Variants in SRFBP1 observed in about 807,000 individuals in gnomAD.
SRFBP1 encodes serum response factor-binding protein 1.
In SRFBP1, 47 loss-of-function variants were observed where a neutral mutation model predicts 45.5. The observed-to-expected ratio is 1.03, with a 90% CI of 0.82 to 1.32. SRFBP1 has a LOEUF of 1.32. Ranked by LOEUF, SRFBP1 falls within the 40% of genes most tolerant of loss-of-function variation. The probability of loss-of-function intolerance (pLI) is 0.00; values close to 1 mark genes in which losing one functional copy is unlikely to be tolerated. For synonymous variants in SRFBP1, 203 were observed against 166.3 expected, an observed-to-expected ratio of 1.22 and a Z score of -1.70; for missense variants, 621 against 484.6, an observed-to-expected ratio of 1.28 and a Z score of -2.64.
chr5:122,020,748 G>A lies in SRFBP1; in HGVS notation c.1013G>A (p.Arg338Lys). 2 of 1,604,410 alleles carry A rather than the reference G, an allele frequency of 1.2e-6. No homozygotes were observed. The highest frequency in any genetic ancestry group is 1.3e-5 in the African/African-American group (1 of 74,300). ...NDKIKPSTET[R>K]KLESVFFHSL... ...AAAATCAAGCCAAGTACAGAAACCA[G>A]AAAGTTAGAATCAGTGTTTTTCCAC... The change falls in exon 6 of 8, where the codon AGA becomes AAA. Residue 338 changes from arginine (R) to lysine (K), a missense_variant. Coordinates refer to ENST00000339397, the MANE Select transcript of SRFBP1 (RefSeq NM_152546.3).
chr5:121,994,220 A>C (rs1408615464), intron 3 of SRFBP1, among the ~76,000 whole-genome samples: 2 of 151,692 alleles, frequency 1.3e-5, no homozygotes, highest in Admixed American at 1.3e-4. Flanking sequence ...CTTTGTCTTC[A>C]TTTTGTTTTC....
intron 3 of SRFBP1, among the ~76,000 whole-genome samples, chr5:121,990,942 C>T (rs1377278145): frequency 6.6e-6 from 1 of 152,140 alleles, no homozygotes; most frequent in Non-Finnish European, 1.5e-5. Context: ...GCCCAAGCCT[C>T]TGCATACCAT....
chr5:121,966,946 A>ATTTTTT (rs34687337), intron 1 of SRFBP1, among the ~76,000 whole-genome samples: 1 of 114,670 alleles, frequency 8.7e-6, no homozygotes. Flanking sequence ...CGCCCAGCTA[A>ATTTTTT]TTTTTTTTTT....
At position 122,013,194 on chromosome 5, in the gene SRFBP1, C is replaced by G. The variant is rs535078277; in HGVS notation, c.271-6066C>G. Among the ~76,000 whole-genome samples the G allele has an allele frequency of 3.2e-4, 49 of 152,188 alleles. 1 individual carries two copies. The highest frequency in any genetic ancestry group is 1.9e-3 in the South Asian group (9 of 4,826). Reference sequence around the variant, plus strand: ...TCACTGTGTCAAGCACTCACTATGTCTGTATTGTAATTTTTGAATATATTT... The same window carrying G: ...TCACTGTGTCAAGCACTCACTATGTGTGTATTGTAATTTTTGAATATATTT... On this transcript the variant is annotated intron_variant, in intron 4 of 7. Transcript: ENST00000339397.
intron 3 of SRFBP1, 79 bp downstream of exon 3, chr5:121,975,466 G>T (rs1304297203): frequency 8.7e-6 from 13 of 1,495,894 alleles, no homozygotes; most frequent in Non-Finnish European, 1.2e-5. Flanking sequence ...GTGTGGTATT[G>T]CTTATTTGAA....
chr5:122,051,719 A>G (rs1409514732), intron 2 of SRFBP1, among the ~76,000 whole-genome samples: 1 of 151,914 alleles, frequency 6.6e-6, no homozygotes, highest in Non-Finnish European at 1.5e-5. Flanking sequence ...TTGCCACTCC[A>G]TGCCTTTTAA....
intron 3 of SRFBP1, among the ~76,000 whole-genome samples, chr5:121,979,492 A>AT (rs1213255354): frequency 6.6e-6 from 1 of 152,182 alleles, no homozygotes; most frequent in Non-Finnish European, 1.5e-5. Context: ...TCAACTTAAC[A>AT]TTTTGTTCAT....
downstream of SRFBP1, among the ~76,000 whole-genome samples, chr5:122,076,418 A>G (rs1754633000): frequency 2.6e-5 from 4 of 152,246 alleles, no homozygotes; most frequent in Admixed American, 2.0e-4. Context: ...TGGCTGAAGT[A>G]ATACCAAAAC....
intron 3 of SRFBP1, among the ~76,000 whole-genome samples, chr5:121,988,800 G>A (rs568040682): frequency 6.6e-6 from 1 of 152,282 alleles, no homozygotes; most frequent in South Asian, 2.1e-4. Flanking sequence ...CCTGATGACA[G>A]GCCTTTCTCA....
At chr5:121,963,081 T>TG (rs1561572326) in intron 1 of SRFBP1, among the ~76,000 whole-genome samples, 1 of 152,112 alleles carries the variant, frequency 6.6e-6, no homozygotes, top group Non-Finnish European at 1.5e-5. Flanking sequence ...GCACAGGAAT[T>TG]GCAGTCAGTG....
rs1248545111 is a variant in SRFBP1 at position 121,995,210 on chromosome 5, C to T, written c.270+540C>T. Among the ~76,000 whole-genome samples, 3 of 151,888 alleles carry T rather than the reference C, an allele frequency of 2.0e-5. No homozygotes were observed. In the East Asian group the frequency reaches 5.8e-4, roughly 29 times the overall value. On this transcript the variant is annotated intron_variant, in intron 4 of 7. Transcript: ENST00000339397. Reference sequence around the variant, plus strand: ...CTCCACCCCAAATCAACAGAATATACATTTTTTTCAGCACCACACCACACC... The same window carrying T: ...CTCCACCCCAAATCAACAGAATATATATTTTTTTCAGCACCACACCACACC...
At chr5:122,030,067 A>G (rs750580131), downstream of SRFBP1, among the ~76,000 whole-genome samples, 4 of 152,356 alleles carry the variant, frequency 2.6e-5, no homozygotes, top group Middle Eastern at 0.01. Context: ...CCTACTAGCC[A>G]AAGAGTTCAA....
intron 1 of SRFBP1, among the ~76,000 whole-genome samples, chr5:121,973,176 T>C (rs1312573428): frequency 6.6e-6 from 1 of 151,832 alleles, no homozygotes; most frequent in Non-Finnish European, 1.5e-5. Context: ...GACTCCTGTT[T>C]TCTAGGAGCT....
At chr5:121,978,539 T>A (rs1580502861) in intron 3 of SRFBP1, among the ~76,000 whole-genome samples, 1 of 152,108 alleles carries the variant, frequency 6.6e-6, no homozygotes, top group African/African-American at 2.4e-5. Context: ...TCGCCCATGC[T>A]GGAGTGCAGT....
intron 4 of SRFBP1, among the ~76,000 whole-genome samples, chr5:122,011,114 A>G (rs1253320314): frequency 6.6e-6 from 1 of 152,154 alleles, no homozygotes; most frequent in African/African-American, 2.4e-5. Flanking sequence ...CTGATATTCA[A>G]AGTACTGCTA....
intron 2 of SRFBP1, among the ~76,000 whole-genome samples, chr5:122,043,527 TCTGA>T (rs1227703716): frequency 6.6e-6 from 1 of 152,228 alleles, no homozygotes; most frequent in Non-Finnish European, 1.5e-5. Flanking sequence ...GTCGCTGTTT[TCTGA>T]CTTTCTTTTG....
At chr5:122,038,516 C>CA (rs1482389962) in intron 2 of SRFBP1, among the ~76,000 whole-genome samples, 1 of 152,062 alleles carries the variant, frequency 6.6e-6, no homozygotes, top group African/African-American at 2.4e-5. Context: ...GCAAGCAAAA[C>CA]AAAAATGAAA....
At chr5:122,061,302 G>A (rs1754165045) in intron 2 of SRFBP1, among the ~76,000 whole-genome samples, 1 of 151,722 alleles carries the variant, frequency 6.6e-6, no homozygotes, top group Admixed American at 6.6e-5. Flanking sequence ...GCTCTGGTTC[G>A]ACTTGGTATG....
At chr5:121,969,270 C>G (rs1056122950) in intron 1 of SRFBP1, among the ~76,000 whole-genome samples, 1 of 152,122 alleles carries the variant, frequency 6.6e-6, no homozygotes, top group Admixed American at 6.6e-5. Context: ...TTCCTGTATA[C>G]TGACCATCAG....
Sources: gnomAD v4.1 joint callset for allele counts (sites outside exome capture counted in the v4.1 genomes callset) on GRCh38, gnomAD v4.1.1 for gene constraint, MANE v1.5 for transcripts, NCBI Gene and HGNC (gene_info 2026-07-23, HGNC 2026-07-21) for gene names.